Variants in EDIL3 observed in about 807,000 individuals in gnomAD.
EDIL3 encodes the protein EGF like and discoidin domains 3, also known as EGF-like repeat and discoidin I-like domain-containing protein 3.
A neutral mutation model predicts 67.4 loss-of-function variants in EDIL3; 37 were observed. The observed-to-expected ratio is 0.55, with a 90% confidence interval of 0.42 to 0.72. The LOEUF is 0.72. Among genes scored for constraint, EDIL3 ranks in the 30% least tolerant of loss-of-function variants. The pLI is 0.00. For missense variants in EDIL3, 527 were observed against 586.3 expected, an observed-to-expected ratio of 0.90 and a Z score of 1.04; for synonymous variants, 195 against 196.3, an observed-to-expected ratio of 0.99 and a Z score of 0.05.
intron 5 of EDIL3, among the ~76,000 whole-genome samples, chr5:84,115,196 T>C (rs1175140920): frequency 6.6e-6 from 1 of 152,144 alleles, no homozygotes; most frequent in Non-Finnish European, 1.5e-5. Flanking sequence ...CTTAAAAATA[T>C]ATAAGAATCA....
At chr5:84,111,290 A>G (rs1747560551) in intron 5 of EDIL3, among the ~76,000 whole-genome samples, 1 of 152,224 alleles carries the variant, frequency 6.6e-6, no homozygotes, top group African/African-American at 2.4e-5. Flanking sequence ...GAACTAATAC[A>G]GGCATTCAGT....
rs567844553 is a variant in EDIL3, at chr5:84,030,588, C to G, written c.1137+29712G>C. On this transcript the variant is annotated intron_variant, in intron 9 of 10. Coordinates refer to ENST00000296591, the MANE Select transcript of EDIL3 (RefSeq NM_005711.5). ...TGTCATAATATAGAAGAATTTCAAA[C>G]ATACTAATTTAAATGTGTATCTTAA... Among the ~76,000 whole-genome samples the G allele has an allele frequency of 1.8e-4, 27 of 152,298 alleles. No individual in the cohort carries two copies. The South Asian group carries it at 5.4e-3, about 30-fold the overall frequency.
Position 84,085,293 on chromosome 5 carries a change from A to AC in EDIL3, c.652-18688_652-18687insG, listed in dbSNP as rs142070697. Among the ~76,000 whole-genome samples the AC allele has an allele frequency of 7.5e-3, 1,140 of 152,150 alleles. 14 individuals carry two copies. Among genetic ancestry groups the AC allele is most frequent in the Middle Eastern group, 0.01 (3 of 294 alleles). ...TGAAATTTTCAGCATTTTTGCGCTG[A>AC]TTTTTCCTTATCTTCATGGAGTTAT... On this transcript the variant is annotated intron_variant, in intron 6 of 10. Coordinates refer to ENST00000296591, the MANE Select transcript of EDIL3 (RefSeq NM_005711.5).
At chr5:84,067,322 T>G (rs992434853) in intron 6 of EDIL3, among the ~76,000 whole-genome samples, 1 of 152,176 alleles carries the variant, frequency 6.6e-6, no homozygotes, top group African/African-American at 2.4e-5. Context: ...ATTGTTAATA[T>G]TCTTCTCATG....
chr5:84,073,805 T>A (rs1746793087), intron 6 of EDIL3, among the ~76,000 whole-genome samples: 1 of 152,152 alleles, frequency 6.6e-6, no homozygotes, highest in Admixed American at 6.5e-5. Context: ...GTCATCCCCA[T>A]CAAGCTACCA....
intron 6 of EDIL3, among the ~76,000 whole-genome samples, chr5:84,100,116 A>G (rs1441951530): frequency 6.6e-6 from 1 of 152,192 alleles, no homozygotes; most frequent in Non-Finnish European, 1.5e-5. Context: ...GAACAATTTT[A>G]TGCTGTTGGT....
intron 9 of EDIL3, among the ~76,000 whole-genome samples, chr5:83,990,961 C>T (rs920378087): frequency 6.6e-6 from 1 of 151,742 alleles, no homozygotes; most frequent in Non-Finnish European, 1.5e-5. Context: ...CACAGGGCAA[C>T]ATGAGGAATG....
At chr5:84,282,395 T>G (rs1244646410) in intron 1 of EDIL3, among the ~76,000 whole-genome samples, 4 of 152,210 alleles carry the variant, frequency 2.6e-5, no homozygotes, top group African/African-American at 9.6e-5. Flanking sequence ...GTTGCTTTGT[T>G]TCCTGAAACA....
At chr5:84,331,271 G>A (rs1746865836) in intron 1 of EDIL3, among the ~76,000 whole-genome samples, 2 of 152,172 alleles carry the variant, frequency 1.3e-5, no homozygotes, top group Non-Finnish European at 2.9e-5. Flanking sequence ...AGGCATGATT[G>A]TGTTTTGAAA....
intron 1 of EDIL3, among the ~76,000 whole-genome samples, chr5:84,305,630 G>C (rs184507358): frequency 1.3e-5 from 2 of 152,058 alleles, no homozygotes; most frequent in Non-Finnish European, 2.9e-5. Context: ...CTGTAATCCC[G>C]GCATTTTGGG....
intron 1 of EDIL3, among the ~76,000 whole-genome samples, chr5:84,363,914 C>T (rs1462255079): frequency 1.3e-5 from 2 of 152,116 alleles, no homozygotes; most frequent in African/African-American, 4.8e-5. Flanking sequence ...ATATTTTGAT[C>T]ATCGCTTGGG....
In EDIL3 at chr5:84,060,393, C is replaced by G; in HGVS notation, c.1044G>C (p.Met348Ile). The G allele has an allele frequency of 1.2e-6, 2 of 1,613,800 alleles. No individual in the cohort carries two copies. Among genetic ancestry groups the G allele is most frequent in the Non-Finnish European group, 1.7e-6 (2 of 1,179,848 alleles). Reference protein sequence around the residue: ...SSIFRTLNMDMFTWEPRKARL... With the variant: ...SSIFRTLNMDIFTWEPRKARL... ...GAGCTTTCCTTGGTTCCCAAGTGAA[C>G]ATGTCCATGTTGAGCGTTCTGAAGA... is the stretch of plus-strand genomic sequence containing the variant. Residue 348 changes from methionine (M) to isoleucine (I), a missense_variant, in exon 9 of 11, where the codon ATG (methionine) becomes ATC (isoleucine). Around this residue, in one of 2 missense-constraint regions of EDIL3, gnomAD observed 494 missense variants for 522.5 expected, o/e 0.95. Coordinates refer to ENST00000296591, the MANE Select transcript of EDIL3 (RefSeq NM_005711.5).
chr5:84,054,144 C>G (rs1249951027), intron 9 of EDIL3, among the ~76,000 whole-genome samples: 1 of 152,198 alleles, frequency 6.6e-6, no homozygotes, highest in African/African-American at 2.4e-5. Flanking sequence ...GGATGCAAGG[C>G]TGGTTCAACA....
chr5:84,073,395 G>A (rs1746783663), intron 6 of EDIL3, among the ~76,000 whole-genome samples: 1 of 152,164 alleles, frequency 6.6e-6, no homozygotes, highest in Non-Finnish European at 1.5e-5. Context: ...TAGGAAAAGA[G>A]GAAGTCAAAT....
At chr5:84,274,447 T>A (rs531921279) in intron 1 of EDIL3, among the ~76,000 whole-genome samples, 2 of 152,178 alleles carry the variant, frequency 1.3e-5, no homozygotes, top group Non-Finnish European at 2.9e-5. Flanking sequence ...AACCTCTCTA[T>A]GGTCACTATT....
chr5:84,374,826 T>C (rs898621726), intron 1 of EDIL3, among the ~76,000 whole-genome samples: 7 of 152,172 alleles, frequency 4.6e-5, no homozygotes, highest in Non-Finnish European at 1.0e-4. Flanking sequence ...TTCCCTCTCT[T>C]GCTGCCACGT....
chr5:84,041,275 T>C (rs1746114861), intron 9 of EDIL3, among the ~76,000 whole-genome samples: 2 of 152,106 alleles, frequency 1.3e-5, no homozygotes, highest in African/African-American at 2.4e-5. Flanking sequence ...CACATTTCTA[T>C]GCCCAACACA....
At chr5:84,199,974 C>T (rs1181755888) in intron 3 of EDIL3, among the ~76,000 whole-genome samples, 1 of 152,006 alleles carries the variant, frequency 6.6e-6, no homozygotes, top group Admixed American at 6.6e-5. Flanking sequence ...GAAGCCCTTC[C>T]CATGTCTATG....
rs544156383 is a variant in EDIL3, at chr5:84,220,183, T to C, written c.226+9672A>G. On this transcript the variant is annotated intron_variant, in intron 3 of 10. Coordinates refer to ENST00000296591, the MANE Select transcript of EDIL3 (RefSeq NM_005711.5). ...ACCCCACTTTCTGTGATGGGATTAT[T>C]ACACATTGTATGCCTGAATGAAAAT... Among the ~76,000 whole-genome samples, 9 of 152,344 alleles carry C rather than the reference T, an allele frequency of 5.9e-5. No homozygotes were observed. The South Asian group carries it at 8.3e-4, about 14-fold the overall frequency.
Sources: allele counts gnomAD v4.1 joint callset (sites outside exome capture counted in the v4.1 genomes callset), GRCh38; gene constraint gnomAD v4.1.1; regional missense constraint gnomAD v4.1.1; transcripts MANE v1.5; gene names NCBI Gene and HGNC (gene_info 2026-07-23, HGNC 2026-07-21).